KLF12: variants seen among roughly 807,000 people sequenced by gnomAD.
KLF12 encodes KLF transcription factor 12.
A neutral mutation model predicts 37.8 loss-of-function variants in KLF12; 9 were observed. The ratio of observed to expected loss-of-function variants is 0.24; its 90% CI spans 0.14 to 0.42. The LOEUF is 0.42. KLF12 is among the 10% of genes least tolerant of loss of function. The pLI is 1.00. For synonymous variants in KLF12, 208 were observed against 202.1 expected (o/e 1.03, Z -0.25); for missense variants, 411 against 516.0 (o/e 0.80, Z 1.97).
the KLF12 span, among the ~76,000 whole-genome samples, chr13:74,221,472 T>A: frequency 6.6e-6 from 1 of 152,280 alleles, no homozygotes; most frequent in East Asian, 1.9e-4. Flanking sequence ...TACCTTTAGT[T>A]TTACTTCTAT....
chr13:74,202,902 T>G, the KLF12 span, among the ~76,000 whole-genome samples: 1 of 152,040 alleles, frequency 6.6e-6, no homozygotes, highest in African/African-American at 2.4e-5. Context: ...AGGAAAGGCT[T>G]GGGTGGGTGC....
intron 1 of KLF12, among the ~76,000 whole-genome samples, chr13:74,031,469 T>C (rs1043785811): frequency 6.6e-6 from 1 of 152,050 alleles, no homozygotes; most frequent in Non-Finnish European, 1.5e-5. Context: ...ATCATGTCTC[T>C]TTTATTTTAT....
chr13:74,162,951 C>T, the KLF12 span, among the ~76,000 whole-genome samples: 1 of 151,774 alleles, frequency 6.6e-6, no homozygotes, highest in Non-Finnish European at 1.5e-5. Context: ...GTACTCAAGT[C>T]CAGTGAGTTT....
intron 2 of KLF12, among the ~76,000 whole-genome samples, chr13:73,966,832 T>C (rs938357552): frequency 2.0e-5 from 3 of 152,190 alleles, no homozygotes; most frequent in African/African-American, 7.2e-5. Flanking sequence ...TTCCAAAACA[T>C]GCAGCTGACT....
chr13:73,817,318 C>CAAA (rs749318816), intron 4 of KLF12, among the ~76,000 whole-genome samples: 1 of 52,234 alleles, frequency 1.9e-5, no homozygotes, highest in African/African-American at 7.0e-5. Flanking sequence ...GATCCTGTTT[C>CAAA]AAAAAAAAAA....
chr13:74,091,923 A>G (rs1168520527), intron 1 of KLF12, among the ~76,000 whole-genome samples: 1 of 152,014 alleles, frequency 6.6e-6, no homozygotes, highest in Non-Finnish European at 1.5e-5. Context: ...GGCAGAGGGT[A>G]CGTGTGACAC....
intron 6 of KLF12, among the ~76,000 whole-genome samples, chr13:73,724,680 T>G (rs1287268159): frequency 1.3e-5 from 2 of 152,190 alleles, no homozygotes; most frequent in African/African-American, 4.8e-5. Context: ...ACTGGAAAAG[T>G]AGAGAGGTAT....
the KLF12 span, among the ~76,000 whole-genome samples, chr13:74,197,937 A>C: frequency 6.6e-6 from 1 of 152,158 alleles, no homozygotes; most frequent in African/African-American, 2.4e-5. Flanking sequence ...ACTTAAAAAA[A>C]ATTTTCTAGC....
intron 3 of KLF12, among the ~76,000 whole-genome samples, chr13:73,854,274 TG>T (rs1163336665): frequency 2.6e-5 from 4 of 152,248 alleles, no homozygotes; most frequent in Non-Finnish European, 4.4e-5. Context: ...CTGAGGCAAA[TG>T]TTCTGTGCTA....
intron 1 of KLF12, among the ~76,000 whole-genome samples, chr13:74,103,972 T>C (rs1415130750): frequency 6.6e-6 from 1 of 152,188 alleles, no homozygotes; most frequent in Non-Finnish European, 1.5e-5. Context: ...GCAAATGTAA[T>C]ACTAGAAAGA....
intron 1 of KLF12, among the ~76,000 whole-genome samples, chr13:74,020,900 A>AAG (rs2138422435): frequency 6.6e-6 from 1 of 152,022 alleles, no homozygotes; most frequent in East Asian, 1.9e-4. Flanking sequence ...CAAAAAAAAA[A>AAG]AAAAAGATGG....
At chr13:73,991,449 C>G (rs1297968878) in intron 2 of KLF12, among the ~76,000 whole-genome samples, 1 of 152,200 alleles carries the variant, frequency 6.6e-6, no homozygotes, top group Non-Finnish European at 1.5e-5. Context: ...TCATGAAGCT[C>G]TCTCACACTA....
intron 2 of KLF12, among the ~76,000 whole-genome samples, chr13:73,983,467 A>C (rs1593805483): frequency 6.6e-6 from 1 of 152,162 alleles, no homozygotes; most frequent in Non-Finnish European, 1.5e-5. Context: ...GTTCTCCAGC[A>C]CCGTGTCCTC....
At chr13:73,762,785 AG>A (rs1879654074) in intron 6 of KLF12, among the ~76,000 whole-genome samples, 1 of 152,194 alleles carries the variant, frequency 6.6e-6, no homozygotes, top group Admixed American at 6.6e-5. Context: ...TATTTCACTA[AG>A]AAATAACAAG....
At chr13:74,131,440 G>A (rs890978863) in intron 1 of KLF12, among the ~76,000 whole-genome samples, 6 of 152,318 alleles carry the variant, frequency 3.9e-5, no homozygotes, top group Admixed American at 3.9e-4. Context: ...ATAGGCTGCA[G>A]CTGTAGTAAA....
In KLF12 at chr13:73,817,761, C is replaced by T. The variant is rs1471239232; in HGVS notation, c.671-4474G>A. ...CCAACGGAGCTGTCTCTGTACCTCA[C>T]TTCCATTTTCTGCATGTCACCTCCT... On this transcript the variant is annotated intron_variant, in intron 4 of 7. Transcript: ENST00000377669. Among the ~76,000 whole-genome samples, 7 of 152,218 alleles carry T rather than the reference C, an allele frequency of 4.6e-5. No homozygotes were observed. The East Asian group carries it at 9.6e-4, about 21-fold the overall frequency.
chr13:74,169,081 G>T, the KLF12 span, among the ~76,000 whole-genome samples: 16,405 of 151,990 alleles, frequency 0.11, 957 homozygotes, highest in South Asian at 0.15. Flanking sequence ...TCAGGAAATG[G>T]GTTAGTGTTT....
At chr13:73,814,193 A>G (rs1883091803) in intron 4 of KLF12, among the ~76,000 whole-genome samples, 1 of 152,200 alleles carries the variant, frequency 6.6e-6, no homozygotes, top group Admixed American at 6.5e-5. Context: ...GTACCACATG[A>G]GCTACACACC....
intron 2 of KLF12, among the ~76,000 whole-genome samples, chr13:73,966,297 T>A (rs930994630): frequency 2.6e-5 from 4 of 151,768 alleles, no homozygotes; most frequent in Admixed American, 2.0e-4. Flanking sequence ...CAGTTAAAAT[T>A]ATGGTAGCTT....
Sources: allele counts gnomAD v4.1 joint callset (sites outside exome capture counted in the v4.1 genomes callset), GRCh38; gene constraint gnomAD v4.1.1; transcripts MANE v1.5; gene names NCBI Gene and HGNC (gene_info 2026-07-23, HGNC 2026-07-21).